The following ADAMTS17 variants were observed in gnomAD, a reference collection of about 807,000 sequenced individuals.
ADAMTS17 encodes A disintegrin and metalloproteinase with thrombospondin motifs 17.
In ADAMTS17, 113 loss-of-function variants were observed where a neutral mutation model predicts 141.5. The ratio of observed to expected loss-of-function variants is 0.80; its 90% confidence interval spans 0.69 to 0.93. ADAMTS17 has a LOEUF of 0.93. ADAMTS17 is among the 40% of genes least tolerant of loss of function. ADAMTS17 has a pLI of 0.00. For missense variants in ADAMTS17, 1,659 were observed against 1,517.9 expected, an observed-to-expected ratio of 1.09 and a Z score of -1.54; for synonymous variants, 768 against 630.6, an observed-to-expected ratio of 1.22 and a Z score of -3.27.
intron 3 of ADAMTS17, among the ~76,000 whole-genome samples, chr15:100,303,920 C>T (rs990471405): frequency 2.0e-5 from 3 of 152,090 alleles, no homozygotes; most frequent in Non-Finnish European, 4.4e-5. Context: ...GACGGCGTTT[C>T]GCCACGTTGG....
At chr15:100,095,093 G>T (rs901614591) in intron 15 of ADAMTS17, among the ~76,000 whole-genome samples, 2 of 152,192 alleles carry the variant, frequency 1.3e-5, no homozygotes, top group African/African-American at 2.4e-5. Context: ...CCAGGGGCCA[G>T]TGGCTGCTGA....
intron 18 of ADAMTS17, among the ~76,000 whole-genome samples, chr15:100,010,816 C>T (rs984738283): frequency 6.6e-6 from 1 of 152,196 alleles, no homozygotes; most frequent in Non-Finnish European, 1.5e-5. Context: ...CCAGGGGACC[C>T]AGAGGGACGC....
intron 17 of ADAMTS17, among the ~76,000 whole-genome samples, chr15:100,050,778 A>G (rs2032078287): frequency 6.6e-6 from 1 of 151,890 alleles, no homozygotes; most frequent in Non-Finnish European, 1.5e-5. Context: ...TTCTGTCCCA[A>G]CTCTTTGTCC....
At chr15:100,337,728 C>G (rs374002495) in intron 2 of ADAMTS17, among the ~76,000 whole-genome samples, 1 of 152,240 alleles carries the variant, frequency 6.6e-6, no homozygotes, top group Admixed American at 6.5e-5. Context: ...CAGCAGGGGG[C>G]CTCCAGCCCT....
chr15:100,033,127 G>A (rs554819639), intron 18 of ADAMTS17, among the ~76,000 whole-genome samples: 1 of 152,290 alleles, frequency 6.6e-6, no homozygotes, highest in African/African-American at 2.4e-5. Flanking sequence ...CAGTGAACAG[G>A]GTTGAACCAG....
chr15:100,181,692 C>A (rs1397885315), intron 8 of ADAMTS17, among the ~76,000 whole-genome samples: 1 of 152,236 alleles, frequency 6.6e-6, no homozygotes, highest in Non-Finnish European at 1.5e-5. Context: ...ATTCAAGATG[C>A]AAGACAATGT....
At chr15:100,325,276 C>T (rs2045864320) in intron 3 of ADAMTS17, among the ~76,000 whole-genome samples, 1 of 152,174 alleles carries the variant, frequency 6.6e-6, no homozygotes, top group South Asian at 2.1e-4. Flanking sequence ...CTGCCAGATT[C>T]CTATGTTGAA....
intron 5 of ADAMTS17, 44 bp from the exon 6 acceptor site, chr15:100,261,680 G>A (rs1367043222): frequency 6.3e-7 from 1 of 1,591,814 alleles, no homozygotes; most frequent in African/African-American, 1.3e-5. Context: ...ACGCCTGGGA[G>A]GCCAGAGTTT....
intron 19 of ADAMTS17, among the ~76,000 whole-genome samples, chr15:99,995,587 T>C (rs1461530686): frequency 6.6e-6 from 1 of 152,224 alleles, no homozygotes; most frequent in Non-Finnish European, 1.5e-5. Context: ...ATTTGATCCT[T>C]CTTCTAATAA....
intron 6 of ADAMTS17, 31 bp from the exon 7 acceptor site, chr15:100,254,210 A>C (rs781647925): frequency 3.1e-6 from 5 of 1,596,646 alleles, no homozygotes; most frequent in Non-Finnish European, 4.3e-6. Flanking sequence ...CATCAGGTAT[A>C]TGCAGTATCC....
chr15:100,101,710 G>C (rs1447510194), intron 14 of ADAMTS17, among the ~76,000 whole-genome samples: 1 of 152,218 alleles, frequency 6.6e-6, no homozygotes, highest in Non-Finnish European at 1.5e-5. Flanking sequence ...CTCTTATCAA[G>C]CTGGGGAGTC....
At chr15:100,297,959 G>T (rs1270755002) in intron 3 of ADAMTS17, among the ~76,000 whole-genome samples, 2 of 152,092 alleles carry the variant, frequency 1.3e-5, no homozygotes, top group East Asian at 3.9e-4. Context: ...GCAGGGCTGC[G>T]TGGCGTCTCC....
chr15:100,172,606 T>TCCTTC (rs2040201330), intron 8 of ADAMTS17, among the ~76,000 whole-genome samples: 1 of 152,288 alleles, frequency 6.6e-6, no homozygotes, highest in South Asian at 2.1e-4. Context: ...TTCCTAACCA[T>TCCTTC]CCTTCCCACC....
chr15:100,139,106 A>G lies in ADAMTS17; in HGVS notation c.1474-5791T>C, dbSNP rs184013962. On this transcript the variant is annotated intron_variant, in intron 10 of 21. Transcript: ENST00000268070. ...AAAGGGCGAAACAGAAAAGCCAACG[A>G]AAAATATAAGGGTTGGCTCTTTGGG... Among the ~76,000 whole-genome samples, 138 of 152,272 alleles carry G rather than the reference A, an allele frequency of 9.1e-4. 1 individual carries two copies. The highest frequency in any genetic ancestry group is 1.5e-3 in the Non-Finnish European group (105 of 68,030).
Position 99,974,433 on chromosome 15 carries a change from T to C in ADAMTS17, c.3257A>G (p.Asn1086Ser). ...GTTCGGCGGTGGCTGGCGCATCTTGTTTGCATAGAAGTCCCTGCAGGTCTG... is the reference window on the plus strand; with the variant it reads ...GTTCGGCGGTGGCTGGCGCATCTTGCTTGCATAGAAGTCCCTGCAGGTCTG... The part of the protein sequence containing the change: ...CCQTCRDFYA[N>S]KMRQPPPNS Residue 1086 changes from asparagine (N) to serine (S), a missense_variant, in exon 22 of 22, where the codon AAC (asparagine) becomes AGC (serine). Physicochemically the swap from Asn to Ser is conservative, Grantham distance 46. Coordinates refer to ENST00000268070, the MANE Select transcript of ADAMTS17 (RefSeq NM_139057.4). 6.2e-7 allele frequency: 1 copy of C among 1,614,142 alleles called. No individual in the cohort carries two copies. The highest frequency in any genetic ancestry group is 8.5e-7 in the Non-Finnish European group (1 of 1,180,020).
In ADAMTS17 at chr15:100,200,241, T is replaced by G. The variant is rs933834926; in HGVS notation, c.1076-818A>C. 1.3e-4 allele frequency among the ~76,000 whole-genome samples: 20 copies of G among 152,204 alleles called. 1 individual carries two copies. In the East Asian group the frequency reaches 3.7e-3, roughly 28 times the overall value. ...GGCCGCATCCCAAGGATGGGTGGTG[T>G]TGGTGGGACGGCAGGCCAGCCACTG... On this transcript the variant is annotated intron_variant, in intron 7 of 21. Coordinates refer to ENST00000268070, the MANE Select transcript of ADAMTS17 (RefSeq NM_139057.4).
At chr15:100,153,214 C>T (rs149313773) in intron 9 of ADAMTS17, among the ~76,000 whole-genome samples, 4 of 152,314 alleles carry the variant, frequency 2.6e-5, no homozygotes, top group Admixed American at 6.5e-5. Context: ...AGGTTCTTTT[C>T]GAGTGCTTGT....
chr15:100,068,038 C>G (rs944982978), intron 15 of ADAMTS17, among the ~76,000 whole-genome samples: 9 of 152,156 alleles, frequency 5.9e-5, no homozygotes, highest in African/African-American at 1.7e-4. Context: ...CCTGGAAAAT[C>G]GGGTCACTCC....
At chr15:100,001,617 T>C (rs775830688) in intron 18 of ADAMTS17, among the ~76,000 whole-genome samples, 33 of 152,092 alleles carry the variant, frequency 2.2e-4, no homozygotes, top group Non-Finnish European at 4.0e-4. Context: ...GCAGGCAGTG[T>C]GTGAGAAATC....
Sources: allele counts gnomAD v4.1 joint callset (sites outside exome capture counted in the v4.1 genomes callset), GRCh38; gene constraint gnomAD v4.1.1; transcripts MANE v1.5; gene names NCBI Gene and HGNC (gene_info 2026-07-23, HGNC 2026-07-21).